SPON1: variants seen among roughly 807,000 people sequenced by gnomAD.
SPON1 encodes spondin 1, also known as spondin-1.
In SPON1, 52 loss-of-function variants were observed where a neutral mutation model predicts 111.7. The ratio of observed to expected loss-of-function variants is 0.47; its 90% confidence interval spans 0.37 to 0.59. The LOEUF (loss-of-function observed/expected upper bound fraction) is 0.59, where lower values mean the gene tolerates loss of function less well. Among genes scored for constraint, SPON1 ranks in the 20% least tolerant of loss-of-function variants. SPON1 has a pLI of 0.00. For synonymous variants in SPON1, 410 were observed against 395.8 expected (o/e 1.04, Z -0.43); for missense variants, 957 against 1,068.5 (o/e 0.90, Z 1.46).
chr11:14,266,746 C>A lies in SPON1; in HGVS notation c.*1059C>A, dbSNP rs1313644846. On this transcript the variant is annotated 3_prime_UTR_variant, in exon 16 of 16. Coordinates refer to ENST00000576479, the MANE Select transcript of SPON1 (RefSeq NM_006108.4). ...TTTTATATGCAGAGAGAAAAAGTTA[C>A]CGAGACAGAAAACAAATCTAAGGGA... The A allele has an allele frequency of 6.6e-6, 1 of 152,020 alleles. No homozygotes were observed. Among genetic ancestry groups the A allele is most frequent in the African/African-American group, 2.4e-5 (1 of 41,370 alleles). 9.4% of individuals were successfully genotyped at this position (152,020 alleles called of 1,614,324 possible).
At chr11:13,964,473 G>A (rs1366167906) in intron 1 of SPON1, among the ~76,000 whole-genome samples, 1 of 152,210 alleles carries the variant, frequency 6.6e-6, no homozygotes, top group Non-Finnish European at 1.5e-5. Context: ...ACCAAAGCCA[G>A]GGGCCACCCT....
intron 6 of SPON1, among the ~76,000 whole-genome samples, chr11:14,238,401 G>A (rs974367155): frequency 1.3e-5 from 2 of 152,194 alleles, no homozygotes; most frequent in Admixed American, 6.5e-5. Context: ...GAAGAAAGGG[G>A]CAGGGGGATG....
At chr11:14,199,890 C>T (rs1488346581) in intron 6 of SPON1, among the ~76,000 whole-genome samples, 2 of 152,220 alleles carry the variant, frequency 1.3e-5, no homozygotes, top group African/African-American at 4.8e-5. Context: ...CTGATCTGGC[C>T]TATTCACATC....
chr11:14,160,317 A>C (rs1270517943), intron 6 of SPON1, among the ~76,000 whole-genome samples: 1 of 137,774 alleles, frequency 7.3e-6, no homozygotes, highest in Non-Finnish European at 1.5e-5. Context: ...AAATACACTT[A>C]ATATACCTAA....
intron 2 of SPON1, among the ~76,000 whole-genome samples, chr11:13,997,048 A>T (rs1427506538): frequency 6.6e-6 from 1 of 152,078 alleles, no homozygotes; most frequent in Non-Finnish European, 1.5e-5. Flanking sequence ...AGTTTTATGC[A>T]TCTGTATTTG....
At chr11:13,985,318 C>A (rs782521517) in intron 2 of SPON1, among the ~76,000 whole-genome samples, 12 of 152,236 alleles carry the variant, frequency 7.9e-5, no homozygotes, top group Non-Finnish European at 1.3e-4. Context: ...CATATGATAA[C>A]GACAATAGCT....
chr11:14,179,312 A>T (rs1462701042), intron 6 of SPON1, among the ~76,000 whole-genome samples: 1 of 152,232 alleles, frequency 6.6e-6, no homozygotes, highest in East Asian at 1.9e-4. Flanking sequence ...AAGGGTCAAG[A>T]ATAATTAACT....
chr11:14,086,055 T>C (rs1564901713), intron 5 of SPON1, among the ~76,000 whole-genome samples: 1 of 152,194 alleles, frequency 6.6e-6, no homozygotes, highest in Admixed American at 6.5e-5. Context: ...GCTGAGATGA[T>C]GGGGTTTTCT....
At chr11:14,253,806 C>T (rs1554940877) in intron 7 of SPON1, among the ~76,000 whole-genome samples, 1 of 152,206 alleles carries the variant, frequency 6.6e-6, no homozygotes, top group South Asian at 2.1e-4. Context: ...TAATTCTAAC[C>T]CCACAGGATT....
chr11:13,975,059 C>T (rs915734317), intron 1 of SPON1, among the ~76,000 whole-genome samples: 5 of 152,214 alleles, frequency 3.3e-5, no homozygotes, highest in South Asian at 2.1e-4. Flanking sequence ...GAAGCCTCTT[C>T]GAATTCACCC....
At chr11:13,994,129 G>T (rs1554911503) in intron 2 of SPON1, among the ~76,000 whole-genome samples, 1 of 152,008 alleles carries the variant, frequency 6.6e-6, no homozygotes, top group East Asian at 1.9e-4. Flanking sequence ...AACCTAAAAG[G>T]GCTTTTGACA....
chr11:14,054,551 G>A (rs1848730566), intron 3 of SPON1, among the ~76,000 whole-genome samples: 1 of 149,606 alleles, frequency 6.7e-6, no homozygotes, highest in African/African-American at 2.4e-5. Context: ...ATGGTCCAAA[G>A]TCTAGTTTTC....
intron 3 of SPON1, among the ~76,000 whole-genome samples, chr11:14,058,471 G>A (rs775609443): frequency 1.1e-4 from 16 of 152,064 alleles, no homozygotes; most frequent in Non-Finnish European, 2.1e-4. Flanking sequence ...GGTGAGGAAG[G>A]TCCAGACAGC....
chr11:14,173,139 G>A (rs1848127900), intron 6 of SPON1, among the ~76,000 whole-genome samples: 1 of 152,060 alleles, frequency 6.6e-6, no homozygotes, highest in Non-Finnish European at 1.5e-5. Flanking sequence ...CCAATCAGAT[G>A]TAGATTTGGT....
chr11:14,041,108 G>A (rs1164132992), intron 2 of SPON1, among the ~76,000 whole-genome samples: 1 of 152,062 alleles, frequency 6.6e-6, no homozygotes, highest in Non-Finnish European at 1.5e-5. Flanking sequence ...CCTCCAAAAG[G>A]GTGTTTTAAC....
At chr11:14,024,176 C>T (rs77653380) in intron 2 of SPON1, among the ~76,000 whole-genome samples, 5,967 of 152,180 alleles carry the variant, frequency 0.039, 121 homozygotes, top group Non-Finnish European at 0.047. Context: ...TTCAACCCCA[C>T]GGCAGTATCT....
intron 6 of SPON1, among the ~76,000 whole-genome samples, chr11:14,180,645 G>GATCT (rs1408553451): frequency 6.6e-6 from 1 of 152,180 alleles, no homozygotes; most frequent in Non-Finnish European, 1.5e-5. Context: ...CTGTGATTAT[G>GATCT]ATCTGCCTGC....
At chr11:14,175,313 G>C (rs536670265) in intron 6 of SPON1, among the ~76,000 whole-genome samples, 2 of 152,256 alleles carry the variant, frequency 1.3e-5, no homozygotes, top group South Asian at 4.1e-4. Flanking sequence ...CTGGATGGTG[G>C]AAATCAAAAG....
In SPON1 at chr11:14,264,188, G is replaced by A. The variant is rs553877076; in HGVS notation, c.2260+1213G>A. On this transcript the variant is annotated intron_variant, in intron 15 of 15. Coordinates refer to ENST00000576479, the MANE Select transcript of SPON1 (RefSeq NM_006108.4). ...AGAGGACAAGGCAGGCAGGAAACCAGGCTGGGAAGGCAGGGACCAGACCAC... is the reference window on the plus strand; with the variant it reads ...AGAGGACAAGGCAGGCAGGAAACCAAGCTGGGAAGGCAGGGACCAGACCAC... Among the ~76,000 whole-genome samples the A allele has an allele frequency of 2.4e-3, 362 of 152,308 alleles. 3 individuals carry two copies. The highest frequency in any genetic ancestry group is 8.3e-3 in the African/African-American group (345 of 41,566).
Sources: allele counts gnomAD v4.1 joint callset (sites outside exome capture counted in the v4.1 genomes callset), GRCh38; gene constraint gnomAD v4.1.1; transcripts MANE v1.5; gene names NCBI Gene and HGNC (gene_info 2026-07-23, HGNC 2026-07-21).